The following HOOK1 variants were observed in gnomAD, a reference collection of about 807,000 sequenced individuals.
The protein encoded by HOOK1 is hook microtubule tethering protein 1.
HOOK1 carries 60 observed loss-of-function variants against 112.8 expected under a neutral mutation model. The observed-to-expected ratio is 0.53, with a 90% CI of 0.43 to 0.66. HOOK1 has a LOEUF of 0.66. Ranked by LOEUF, HOOK1 falls within the 30% of genes least tolerant of loss-of-function variation. HOOK1 has a pLI of 0.00. For synonymous variants in HOOK1, 294 were observed against 283.8 expected (o/e 1.04, Z -0.36); for missense variants, 770 against 856.0 (o/e 0.90, Z 1.25).
At chr1:59,842,430 G>T (rs112164614) in intron 8 of HOOK1, among the ~76,000 whole-genome samples, 148 of 152,138 alleles carry the variant, frequency 9.7e-4, no homozygotes, top group African/African-American at 3.4e-3. Flanking sequence ...CATTGAATTT[G>T]GGAATAGAAA....
intron 1 of HOOK1, among the ~76,000 whole-genome samples, chr1:59,820,466 A>C (rs760507748): frequency 6.6e-5 from 10 of 152,166 alleles, no homozygotes; most frequent in Non-Finnish European, 1.2e-4. Flanking sequence ...TTGCACTGCA[A>C]ATCCAGTGAT....
chr1:59,873,064 T>C lies in HOOK1; in HGVS notation c.*99T>C. On this transcript the variant is annotated 3_prime_UTR_variant, in exon 22 of 22. Transcript: ENST00000371208. ...AACTAACTACCAGATTGAAAAAGAG[T>C]TTATGATGCGGGATATCAGGTATTT... The C allele has an allele frequency of 2.1e-6, 2 of 964,316 alleles. No homozygotes were observed. The highest frequency in any genetic ancestry group is 2.8e-6 in the Non-Finnish European group (2 of 716,274). The allele number at this position is 964,316 out of a possible 1,614,324, so 59.7% of individuals were successfully genotyped here.
chr1:59,843,604 A>G lies in HOOK1; in HGVS notation c.788+6A>G, dbSNP rs1168756641. ...TTACAGGAAGAAAACTTCAGGTAGC[A>G]TTTTTAATGGAAATCATTTTATGGA... is the stretch of plus-strand genomic sequence containing the variant. On this transcript the variant is annotated splice_donor_region_variant and intron_variant, in intron 9 of 21. Coordinates refer to ENST00000371208, the MANE Select transcript of HOOK1 (RefSeq NM_015888.6). The G allele has an allele frequency of 1.7e-5, 27 of 1,593,208 alleles. No homozygotes were observed. The highest frequency in any genetic ancestry group is 2.2e-5 in the Non-Finnish European group (26 of 1,170,386).
chr1:59,867,874 T>C (rs1176765723), intron 19 of HOOK1, among the ~76,000 whole-genome samples: 1 of 152,170 alleles, frequency 6.6e-6, no homozygotes, highest in Non-Finnish European at 1.5e-5. Context: ...CTTAGAGTTA[T>C]TGAATTCATT....
rs2098396892 is a variant in HOOK1, at chr1:59,835,426, T to C, written c.474+14T>C. ...GCTATTCAAGAGGTAAGTTATATCA[T>C]GTTCCTATGAGTATAAAAATCCTAA... On this transcript the variant is annotated intron_variant, in intron 6 of 21. Transcript: ENST00000371208. The C allele has an allele frequency of 2.0e-6, 3 of 1,467,992 alleles. No individual in the cohort carries two copies. The highest frequency in any genetic ancestry group is 2.8e-6 in the Non-Finnish European group (3 of 1,053,638). The allele number at this position is 1,467,992 out of a possible 1,614,324, so 90.9% of individuals were successfully genotyped here.
chr1:59,860,969 G>A (rs2098413308), intron 15 of HOOK1, among the ~76,000 whole-genome samples: 1 of 151,854 alleles, frequency 6.6e-6, no homozygotes, highest in Non-Finnish European at 1.5e-5. Context: ...GTAGAGATGG[G>A]GTTTCACCAT....
intron 12 of HOOK1, among the ~76,000 whole-genome samples, chr1:59,856,222 G>C (rs1472654523): frequency 1.3e-5 from 2 of 149,246 alleles, no homozygotes; most frequent in Non-Finnish European, 3.0e-5. Context: ...TGGGATTCCA[G>C]GCATGAGCTA....
intron 11 of HOOK1, 56 bp from the exon 12 acceptor site, chr1:59,849,017 G>T: frequency 1.0e-6 from 1 of 994,730 alleles, no homozygotes; most frequent in Non-Finnish European, 1.5e-6. Flanking sequence ...AGACTATTGA[G>T]ATTTATACAC....
In HOOK1 at chr1:59,833,554, CA is replaced by C. The variant is rs764062652; in HGVS notation, c.406+18del. On this transcript the variant is annotated intron_variant, in intron 5 of 21. Coordinates refer to ENST00000371208, the MANE Select transcript of HOOK1 (RefSeq NM_015888.6). Reference sequence around the variant, plus strand: ...AGAAGCAAGGTAAGTGAATTTCAATCATTTGAGGATTTCTACTTTCTAGAAA... The same window carrying C: ...AGAAGCAAGGTAAGTGAATTTCAATCTTTGAGGATTTCTACTTTCTAGAAA... 11 of 1,516,616 alleles carry C rather than the reference CA, an allele frequency of 7.3e-6. No individual in the cohort carries two copies. In the South Asian group the frequency reaches 1.4e-4, roughly 20 times the overall value. The allele number at this position is 1,516,616 out of a possible 1,614,324, so 93.9% of individuals were successfully genotyped here.
intron 7 of HOOK1, among the ~76,000 whole-genome samples, chr1:59,838,736 C>A (rs956225326): frequency 6.6e-6 from 1 of 152,118 alleles, no homozygotes; most frequent in African/African-American, 2.4e-5. Flanking sequence ...GCTTTTGTTG[C>A]CATTGCTTTT....
chr1:59,843,388 GT>G lies in HOOK1; in HGVS notation c.622-36del, dbSNP rs756841885. The G allele has an allele frequency of 3.3e-5, 47 of 1,411,148 alleles. 1 individual carries two copies. The highest frequency in any genetic ancestry group is 1.7e-4 in the South Asian group (13 of 76,978). 87.4% of individuals were successfully genotyped at this position (1,411,148 alleles called of 1,614,324 possible). ...CTCTAATAAGAATTTTTATTTTTTT[GT>G]TTTTTTTCTACTGGTGCTTATGTAT... On this transcript the variant is annotated intron_variant, in intron 8 of 21. Transcript: ENST00000371208.
chr1:59,863,192 C>T (rs142346992), intron 16 of HOOK1, among the ~76,000 whole-genome samples: 6 of 152,220 alleles, frequency 3.9e-5, no homozygotes, highest in African/African-American at 1.4e-4. Context: ...TGAGAGCATA[C>T]TACAATTGAG....
chr1:59,817,247 G>A (rs1374407713), intron 1 of HOOK1, among the ~76,000 whole-genome samples: 5 of 152,132 alleles, frequency 3.3e-5, no homozygotes, highest in African/African-American at 1.2e-4. Flanking sequence ...TAAAATTTGA[G>A]TTGTTTTATT....
At chr1:59,822,151 AC>A (rs1440131126) in intron 2 of HOOK1, among the ~76,000 whole-genome samples, 3 of 152,174 alleles carry the variant, frequency 2.0e-5, no homozygotes, top group Non-Finnish European at 2.9e-5. Flanking sequence ...ATACATCTTA[AC>A]TGGATATGTG....
rs1024087861 is a variant in HOOK1 at position 59,866,423 on chromosome 1, C to T, written c.1845+451C>T. On this transcript the variant is annotated intron_variant, in intron 19 of 21. Coordinates refer to ENST00000371208, the MANE Select transcript of HOOK1 (RefSeq NM_015888.6). ...TTTAGTTTGAGATTAGATAGTTAAACGCTTTTCAAATGTTCATCACACTCA... is the reference window on the plus strand; with the variant it reads ...TTTAGTTTGAGATTAGATAGTTAAATGCTTTTCAAATGTTCATCACACTCA... Among the ~76,000 whole-genome samples the T allele has an allele frequency of 9.2e-5, 14 of 152,116 alleles. No homozygotes were observed. The South Asian group carries it at 2.5e-3, about 27-fold the overall frequency.
chr1:59,841,109 A>G (rs1304009543), intron 8 of HOOK1, among the ~76,000 whole-genome samples: 4 of 152,146 alleles, frequency 2.6e-5, no homozygotes, highest in Non-Finnish European at 4.4e-5. Flanking sequence ...TATATATAGC[A>G]CTTAGAGCCT....
At chr1:59,828,397 A>G (rs2098391458) in intron 2 of HOOK1, among the ~76,000 whole-genome samples, 1 of 152,150 alleles carries the variant, frequency 6.6e-6, no homozygotes, top group Non-Finnish European at 1.5e-5. Context: ...TCAATTCCCT[A>G]AATAGTAAGA....
At position 59,872,964 on chromosome 1, in the gene HOOK1, A is replaced by G; in HGVS notation, c.2186A>G (p.Ter729=). The change falls in exon 22 of 22, where the codon TAA becomes TGA. Residue 729 remains the stop codon, a stop_retained_variant. Transcript: ENST00000371208. ...SVKVPATTSD[*] ...AAAGTCCCTGCTACAACATCTGATT[A>G]AACTGCAAAAAAAACAAAACAAAAC... The G allele has an allele frequency of 6.9e-7, 1 of 1,457,380 alleles. No individual in the cohort carries two copies. 90.3% of individuals were successfully genotyped at this position (1,457,380 alleles called of 1,614,324 possible). A position where few individuals can be genotyped will look rare whatever the true frequency, so the allele number is the denominator to read the frequency against.
intron 15 of HOOK1, among the ~76,000 whole-genome samples, chr1:59,862,280 C>A (rs1273215136): frequency 6.6e-6 from 1 of 152,120 alleles, no homozygotes; most frequent in Non-Finnish European, 1.5e-5. Flanking sequence ...AACTCTTAAG[C>A]ACAGTTTTAA....
Sources: gnomAD v4.1 joint callset for allele counts (sites outside exome capture counted in the v4.1 genomes callset) on GRCh38, gnomAD v4.1.1 for gene constraint, MANE v1.5 for transcripts, NCBI Gene and HGNC (gene_info 2026-07-23, HGNC 2026-07-21) for gene names.